Variants in ATP11C observed in about 807,000 individuals in gnomAD.
ATP11C encodes the protein ATPase phospholipid transporting 11C (ATP11C blood group), also known as phospholipid-transporting ATPase IG.
ATP11C carries 36 observed loss-of-function variants against 97.4 expected under a neutral mutation model. That is an observed-to-expected ratio of 0.37 (90% CI 0.28 to 0.49). The LOEUF (loss-of-function observed/expected upper bound fraction) is 0.49. ATP11C is among the 20% of genes least tolerant of loss of function. The probability of loss-of-function intolerance (pLI) is 0.98; values close to 1 mark genes in which losing one functional copy is unlikely to be tolerated. For missense variants in ATP11C, 730 were observed against 824.6 expected (o/e 0.89, Z 1.40); for synonymous variants, 275 against 290.9 (o/e 0.95, Z 0.56).
At position 139,744,992 on chromosome X, in the gene ATP11C, T is replaced by TAA. The variant is rs1258454568; in HGVS notation, c.2964+729_2964+730insTT. Among the ~76,000 whole-genome samples the TAA allele has an allele frequency of 4.9e-3, 546 of 111,804 alleles. 7 individuals carry two copies. Among genetic ancestry groups the TAA allele is most frequent in the African/African-American group, 0.016 (502 of 30,825 alleles). Reference sequence around the variant, plus strand: ...AATTCTTTTTGAACCTTAGCTTTCCTTCACATTATGATTATAAAGAATGAA... The same window carrying TAA: ...AATTCTTTTTGAACCTTAGCTTTCCTAATCACATTATGATTATAAAGAATGAA... On this transcript the variant is annotated intron_variant, in intron 25 of 29. Transcript: ENST00000682941.
chrX:139,801,612 C>T (rs929432587), intron 7 of ATP11C, among the ~76,000 whole-genome samples: 3 of 111,715 alleles, frequency 2.7e-5, no homozygotes, highest in Admixed American at 9.5e-5. Context: ...TGTTACACTA[C>T]CCTGATTAGT....
intron 23 of ATP11C, among the ~76,000 whole-genome samples, chrX:139,755,658 C>T (rs1236923423): frequency 9.0e-6 from 1 of 110,797 alleles, no homozygotes; most frequent in Non-Finnish European, 1.9e-5. Flanking sequence ...ATAGAGAGCC[C>T]GGAAAAAAGG....
At chrX:139,853,215 G>C (rs2084029293) in intron 1 of ATP11C, among the ~76,000 whole-genome samples, 2 of 111,470 alleles carry the variant, frequency 1.8e-5, no homozygotes, top group Admixed American at 1.9e-4. Flanking sequence ...TAGGGGAAGA[G>C]GAAGGAGAGG....
chrX:139,729,046 T>C, intron 29 of ATP11C, 84 bp from the exon 30 acceptor site: 1 of 742,570 alleles, frequency 1.3e-6, no homozygotes, highest in South Asian at 2.9e-5. Context: ...AAATAAGTAG[T>C]AAATTTTGTT....
At position 139,874,420 on chromosome X, in the gene ATP11C, T is replaced by C. The variant is rs1410279611; in HGVS notation, c.28-47597A>G. Among the ~76,000 whole-genome samples the C allele has an allele frequency of 5.4e-5, 6 of 110,199 alleles. No individual in the cohort carries two copies. The East Asian group carries it at 1.7e-3, about 31-fold the overall frequency. The stretch of plus-strand genomic sequence containing the variant: ...CCTGTACAGTGCACATCATAGGGAC[T>C]GGAATATAAAAAGCACTCAATAAAC... On this transcript the variant is annotated intron_variant, in intron 1 of 29. Coordinates refer to ENST00000682941, the MANE Select transcript of ATP11C (RefSeq NM_001353812.2).
intron 1 of ATP11C, among the ~76,000 whole-genome samples, chrX:139,845,298 G>C (rs2147937966): frequency 8.9e-6 from 1 of 112,162 alleles, no homozygotes; most frequent in South Asian, 3.8e-4. Flanking sequence ...GGGCAACGTG[G>C]AACAGAACTA....
intron 23 of ATP11C, among the ~76,000 whole-genome samples, chrX:139,754,805 A>C (rs2081897643): frequency 8.9e-6 from 1 of 112,183 alleles, no homozygotes; most frequent in East Asian, 2.8e-4. Flanking sequence ...ATCATGTTAA[A>C]AACTCTCAAC....
chrX:139,852,359 G>A (rs1416323742), intron 1 of ATP11C, among the ~76,000 whole-genome samples: 2 of 100,956 alleles, frequency 2.0e-5, no homozygotes, highest in Non-Finnish European at 4.0e-5. Context: ...GTGGTCTCTG[G>A]TTCTGCAGTG....
intron 24 of ATP11C, among the ~76,000 whole-genome samples, chrX:139,748,218 A>G: frequency 9.0e-6 from 1 of 111,070 alleles, no homozygotes; most frequent in East Asian, 2.8e-4. Context: ...TTTACTCCTC[A>G]CAAAACCATT....
chrX:139,915,424 C>T (rs949193868), intron 1 of ATP11C, among the ~76,000 whole-genome samples: 3 of 111,571 alleles, frequency 2.7e-5, no homozygotes, highest in African/African-American at 9.8e-5. Flanking sequence ...AATCTCAGCA[C>T]TTTGGGAGGC....
intron 23 of ATP11C, among the ~76,000 whole-genome samples, chrX:139,757,136 G>A (rs945921757): frequency 4.5e-5 from 5 of 110,951 alleles, no homozygotes; most frequent in African/African-American, 1.6e-4. Context: ...CTATGGCAAT[G>A]TGGTAGCTCA....
intron 1 of ATP11C, among the ~76,000 whole-genome samples, chrX:139,920,085 C>T (rs2085232166): frequency 9.0e-6 from 1 of 111,227 alleles, no homozygotes. Flanking sequence ...TGAGTCCGGG[C>T]GCGGTGGCTC....
At chrX:139,936,117 G>C (rs1277550450), upstream of ATP11C, among the ~76,000 whole-genome samples, 1 of 111,258 alleles carries the variant, frequency 9.0e-6, no homozygotes, top group Non-Finnish European at 1.9e-5. Flanking sequence ...GGGCAACATA[G>C]CAAGACCTCA....
At chrX:139,870,884 G>A (rs112107392) in intron 1 of ATP11C, among the ~76,000 whole-genome samples, 2,375 of 109,144 alleles carry the variant, frequency 0.022, 82 homozygotes, top group African/African-American at 0.075. Context: ...GTGAAACCCC[G>A]TCTCTGCTAA....
intron 1 of ATP11C, among the ~76,000 whole-genome samples, chrX:139,829,359 T>TA (rs2083595961): frequency 8.9e-6 from 1 of 111,888 alleles, no homozygotes; most frequent in Non-Finnish European, 1.9e-5. Context: ...TTGGTTCACA[T>TA]AAAAAATAGC....
intron 28 of ATP11C, chrX:139,732,665 T>TA: frequency 4.9e-6 from 1 of 203,030 alleles, no homozygotes; most frequent in Non-Finnish European, 9.5e-6. Flanking sequence ...GCCGAAATGA[T>TA]ATGTTAGTTT....
intron 28 of ATP11C, among the ~76,000 whole-genome samples, chrX:139,735,566 G>A (rs1276930977): frequency 3.6e-5 from 4 of 111,500 alleles, no homozygotes; most frequent in Non-Finnish European, 5.7e-5. Context: ...TCAGACTGTT[G>A]GTCACTGAGC....
At chrX:139,897,630 C>T (rs1173957920) in intron 1 of ATP11C, among the ~76,000 whole-genome samples, 1 of 104,735 alleles carries the variant, frequency 9.5e-6, no homozygotes, top group Non-Finnish European at 1.9e-5. Context: ...GAGATGGCGC[C>T]ACTGCATTCC....
At chrX:139,762,261 CT>C (rs1484301242) in intron 21 of ATP11C, among the ~76,000 whole-genome samples, 155 bp from the exon 22 acceptor site, 1 of 112,222 alleles carries the variant, frequency 8.9e-6, no homozygotes, top group East Asian at 2.8e-4. Context: ...AACAGTGACA[CT>C]GAGACTTACC....
Sources: gnomAD v4.1 joint callset for allele counts (sites outside exome capture counted in the v4.1 genomes callset) on GRCh38, gnomAD v4.1.1 for gene constraint, MANE v1.5 for transcripts, NCBI Gene and HGNC (gene_info 2026-07-23, HGNC 2026-07-21) for gene names.